SUMF1: variants seen among roughly 807,000 people sequenced by gnomAD.
SUMF1 encodes the protein sulfatase modifying factor 1.
SUMF1 carries 48 observed loss-of-function variants against 47.6 expected under a neutral mutation model. That is an observed-to-expected ratio of 1.01 (90% CI 0.80 to 1.28). The LOEUF (loss-of-function observed/expected upper bound fraction) is 1.28. SUMF1 is among the 50% of genes most tolerant of loss of function. The pLI, the probability that SUMF1 is intolerant of heterozygous loss-of-function variation, is 0.00. For missense variants in SUMF1, 571 were observed against 485.4 expected (o/e 1.18, Z -1.66); for synonymous variants, 230 against 192.1 (o/e 1.20, Z -1.63).
rs76567879 is a variant in SUMF1 at position 4,206,944 on chromosome 3, G to C, written c.1015-138199C>G. On this transcript the variant is annotated intron_variant and NMD_transcript_variant, in intron 8 of 12. Transcript: ENST00000448413. ...TTGAATCTATAAATCAATTTGAAGA[G>C]AATTGCCATTTTAACTAAACTAAGT... Among the ~76,000 whole-genome samples, 20 of 152,158 alleles carry C rather than the reference G, an allele frequency of 1.3e-4. No homozygotes were observed. In the East Asian group the frequency reaches 3.7e-3, roughly 28 times the overall value.
chr3:4,466,923 C>G, intron 1 of SUMF1, 53 bp downstream of exon 1: 2 of 1,589,026 alleles, frequency 1.3e-6, no homozygotes, highest in Non-Finnish European at 1.7e-6. Context: ...CTACTCCAAC[C>G]CCGTCCAGGA....
intron 9 of SUMF1, among the ~76,000 whole-genome samples, chr3:4,046,528 C>G (rs1472636300): frequency 6.6e-6 from 1 of 151,636 alleles, no homozygotes; most frequent in Non-Finnish European, 1.5e-5. Context: ...CCTTCTTCGT[C>G]TCAATAAATG....
chr3:4,250,187 G>A (rs1322793378), intron 8 of SUMF1, among the ~76,000 whole-genome samples: 1 of 151,180 alleles, frequency 6.6e-6, no homozygotes, highest in Non-Finnish European at 1.5e-5. Flanking sequence ...GGAGGGGGAA[G>A]GGGGAGGGAG....
intron 8 of SUMF1, among the ~76,000 whole-genome samples, chr3:4,232,984 A>C (rs1696335256): frequency 6.6e-6 from 1 of 152,096 alleles, no homozygotes; most frequent in Admixed American, 6.6e-5. Flanking sequence ...GGAGTCCCTA[A>C]CTTTCAAATT....
At chr3:4,453,932 C>G (rs1341171856) in intron 1 of SUMF1, among the ~76,000 whole-genome samples, 2 of 152,116 alleles carry the variant, frequency 1.3e-5, no homozygotes, top group African/African-American at 4.8e-5. Flanking sequence ...GCCTTCCAAA[C>G]TGCTGGGATT....
chr3:4,329,448 G>A (rs1588251), intron 8 of SUMF1, among the ~76,000 whole-genome samples: 26 of 152,344 alleles, frequency 1.7e-4, no homozygotes, highest in East Asian at 1.5e-3. Flanking sequence ...TCAAAACCAC[G>A]TGAAAGCTGC....
rs28599602 is a variant in SUMF1, at chr3:4,097,207, G to T, written c.1015-28462C>A. On this transcript the variant is annotated intron_variant and NMD_transcript_variant, in intron 8 of 12. Transcript: ENST00000448413. ...ATTTTAACCTATTCACTCAATAAGG[G>T]TTGGGGAGGCAACCTAAATATACCT... Among the ~76,000 whole-genome samples the T allele has an allele frequency of 3.9e-4, 60 of 152,210 alleles. 1 individual carries two copies. Among genetic ancestry groups the T allele is most frequent in the African/African-American group, 1.4e-3 (60 of 41,532 alleles).
At chr3:4,442,486 C>G (rs1214018091) in intron 3 of SUMF1, among the ~76,000 whole-genome samples, 2 of 151,622 alleles carry the variant, frequency 1.3e-5, no homozygotes, top group African/African-American at 2.4e-5. Context: ...GTCTCGATCT[C>G]CTGACCTCGT....
intron 1 of SUMF1, among the ~76,000 whole-genome samples, chr3:4,455,442 G>A (rs1703125745): frequency 6.6e-6 from 1 of 152,218 alleles, no homozygotes; most frequent in Non-Finnish European, 1.5e-5. Flanking sequence ...TTGGCCAGGT[G>A]CAGTGGCTCA....
At chr3:4,057,974 T>C (rs918375781) in intron 9 of SUMF1, among the ~76,000 whole-genome samples, 1 of 152,090 alleles carries the variant, frequency 6.6e-6, no homozygotes, top group African/African-American at 2.4e-5. Flanking sequence ...AGAGCAGGGA[T>C]TAGAGTCTAG....
intron 8 of SUMF1, among the ~76,000 whole-genome samples, chr3:4,182,529 T>C (rs1298502246): frequency 6.6e-6 from 1 of 151,990 alleles, no homozygotes; most frequent in Non-Finnish European, 1.5e-5. Flanking sequence ...TATACTTCCA[T>C]TAAATGAAAA....
At chr3:4,153,656 C>T (rs1334633853) in intron 8 of SUMF1, among the ~76,000 whole-genome samples, 2 of 150,958 alleles carry the variant, frequency 1.3e-5, no homozygotes, top group African/African-American at 4.9e-5. Flanking sequence ...CACTTTTTGC[C>T]TATGGATTTC....
chr3:4,359,407 A>G (rs957516032), downstream of SUMF1, among the ~76,000 whole-genome samples: 27 of 152,204 alleles, frequency 1.8e-4, no homozygotes, highest in African/African-American at 6.5e-4. Context: ...CCTCTCAAGT[A>G]GCTGGGACTA....
intron 8 of SUMF1, among the ~76,000 whole-genome samples, chr3:4,171,368 G>A (rs2125123744): frequency 6.6e-6 from 1 of 152,250 alleles, no homozygotes; most frequent in African/African-American, 2.4e-5. Flanking sequence ...AAAAAGGAAA[G>A]GGTAAATTAA....
intron 8 of SUMF1, among the ~76,000 whole-genome samples, chr3:4,101,507 G>A (rs1392535184): frequency 1.3e-5 from 2 of 152,088 alleles, no homozygotes; most frequent in Admixed American, 1.3e-4. Context: ...AGATGGGCAG[G>A]GAAAGGTGAG....
chr3:4,289,581 GTTCTTATAGAT>G lies in SUMF1; in HGVS notation c.1014+86738_1014+86748del, dbSNP rs1697700072. Among the ~76,000 whole-genome samples, 3 of 152,222 alleles carry G rather than the reference GTTCTTATAGAT, an allele frequency of 2.0e-5. No homozygotes were observed. The South Asian group carries it at 6.2e-4, about 32-fold the overall frequency. ...TATATATCTTAATTATATCAATTCT[GTTCTTATAGAT>G]TTCCTACAAGGAACCCCCTCCATAC... is the stretch of plus-strand genomic sequence containing the variant. On this transcript the variant is annotated intron_variant and NMD_transcript_variant, in intron 8 of 12. Transcript: ENST00000448413.
intron 8 of SUMF1, among the ~76,000 whole-genome samples, chr3:4,184,961 T>C (rs1015850001): frequency 1.5e-4 from 23 of 152,104 alleles, no homozygotes; most frequent in Admixed American, 5.9e-4. Flanking sequence ...CCATATGCTT[T>C]TAAAAAGGTC....
At chr3:4,278,087 G>T (rs1575046667) in intron 8 of SUMF1, among the ~76,000 whole-genome samples, 1 of 151,972 alleles carries the variant, frequency 6.6e-6, no homozygotes, top group Non-Finnish European at 1.5e-5. Context: ...TGAACACCCA[G>T]ATTTGTTTGG....
chr3:4,467,225 C>T lies in SUMF1; in HGVS notation c.21G>A (p.Gly7=), dbSNP rs563293092. The T allele has an allele frequency of 6.2e-7, 1 of 1,611,132 alleles. No individual in the cohort carries two copies. Among genetic ancestry groups the T allele is most frequent in the Admixed American group, 1.7e-5 (1 of 59,794 alleles). The change falls in exon 1 of 9, where the codon GGG becomes GGA. Residue 7 remains glycine (G), a synonymous_variant. Transcript: ENST00000272902. The stretch of plus-strand genomic sequence containing the variant: ...GCTCAGGGCAACGTCCACACACCAG[C>T]CCTAGTGCGGGCGCAGCCATGTTGT... The part of the protein sequence containing the change: MAAPAL[G]LVCGRCPELG...
Sources: gnomAD v4.1 joint callset for allele counts (sites outside exome capture counted in the v4.1 genomes callset) on GRCh38, gnomAD v4.1.1 for gene constraint, MANE v1.5 for transcripts, NCBI Gene and HGNC (gene_info 2026-07-23, HGNC 2026-07-21) for gene names.